PCDHGA1: variants seen among roughly 807,000 people sequenced by gnomAD.
The protein encoded by PCDHGA1 is protocadherin gamma subfamily A, 1, also known as protocadherin gamma-A1.
A neutral mutation model predicts 58.0 loss-of-function variants in PCDHGA1; 32 were observed. That is an observed-to-expected ratio of 0.55 (90% confidence interval 0.42 to 0.74). The LOEUF (loss-of-function observed/expected upper bound fraction) is 0.74. Ranked by LOEUF, PCDHGA1 falls within the 30% of genes least tolerant of loss-of-function variation. The pLI is 0.00. For synonymous variants in PCDHGA1, 498 were observed against 501.1 expected (o/e 0.99, Z 0.08); for missense variants, 1,205 against 1,182.3 (o/e 1.02, Z -0.28).
intron 1 of PCDHGA1, chr5:141,421,969 T>C (rs1039340340): frequency 1.2e-6 from 2 of 1,611,188 alleles, no homozygotes; most frequent in Admixed American, 1.7e-5. Flanking sequence ...ACAGTCCGTA[T>C]ATCGCGTGAG....
At chr5:141,399,375 C>A (rs548275013) in intron 1 of PCDHGA1, 2 of 1,614,016 alleles carry the variant, frequency 1.2e-6, no homozygotes, top group Non-Finnish European at 1.7e-6. Context: ...AGTACAATGT[C>A]ACCATCACAG....
intron 1 of PCDHGA1, chr5:141,383,142 C>A (rs1778858149): frequency 1.2e-6 from 2 of 1,614,006 alleles, no homozygotes; most frequent in Admixed American, 3.3e-5. Flanking sequence ...ACCAGCGCAG[C>A]GGCAGCTTGG....
In PCDHGA1 at chr5:141,511,346, C is replaced by T; in HGVS notation, c.*173C>T. 7.1e-7 allele frequency: 1 copy of T among 1,400,168 alleles called. No homozygotes were observed. The allele number at this position is 1,400,168 out of a possible 1,614,324, so 86.7% of individuals were successfully genotyped here. A position where few individuals can be genotyped will look rare whatever the true frequency, so the allele number is the denominator to read the frequency against. On this transcript the variant is annotated 3_prime_UTR_variant, in exon 4 of 4. Transcript: ENST00000517417. ...AGTGCCCAGTCAGCACCTACCCCTT[C>T]CCCCCCAGGGGGTTGAATATGCAAA...
At position 141,446,758 on chromosome 5, in the gene PCDHGA1, C is replaced by T. The variant is rs776925316; in HGVS notation, c.2422-48049C>T. Among the ~76,000 whole-genome samples, 10 of 152,208 alleles carry T rather than the reference C, an allele frequency of 6.6e-5. 1 individual carries two copies. Among genetic ancestry groups the T allele is most frequent in the African/African-American group, 9.7e-5 (4 of 41,448 alleles). On this transcript the variant is annotated intron_variant, in intron 1 of 3. Transcript: ENST00000517417. ...TGGGGATTACAGGCGTGAGCCACCG[C>T]GCCCAGCCGGTTACCATTCTTTTAC...
intron 1 of PCDHGA1, chr5:141,344,813 G>A: frequency 6.2e-7 from 1 of 1,613,936 alleles, no homozygotes; most frequent in South Asian, 1.1e-5. Flanking sequence ...TGGGTACCCG[G>A]CTGCTCACGG....
chr5:141,430,110 C>T (rs919470038), intron 1 of PCDHGA1, among the ~76,000 whole-genome samples: 1 of 152,060 alleles, frequency 6.6e-6, no homozygotes, highest in Admixed American at 6.5e-5. Flanking sequence ...CGTTACATGT[C>T]AACAACCTGG....
At chr5:141,364,793 C>G in intron 1 of PCDHGA1, 2 of 1,614,028 alleles carry the variant, frequency 1.2e-6, no homozygotes, top group Non-Finnish European at 1.7e-6. Flanking sequence ...GTTAGTGCTT[C>G]CCTTCGCGCG....
chr5:141,492,316 G>C (rs1283387204), intron 1 of PCDHGA1, among the ~76,000 whole-genome samples: 1 of 152,190 alleles, frequency 6.6e-6, no homozygotes. Context: ...CGCACTCCTC[G>C]CACGTGGGCT....
intron 1 of PCDHGA1, chr5:141,338,789 G>A (rs1327874665): frequency 7.4e-7 from 1 of 1,343,610 alleles, no homozygotes; most frequent in Non-Finnish European, 9.5e-7. Flanking sequence ...CACAGCACAA[G>A]GGGGTGGAGG....
intron 1 of PCDHGA1, among the ~76,000 whole-genome samples, chr5:141,353,694 C>T (rs1759356470): frequency 6.6e-6 from 1 of 152,122 alleles, no homozygotes; most frequent in Admixed American, 6.5e-5. Flanking sequence ...AAGCGTTTTC[C>T]ATACTTCTTG....
At chr5:141,392,280 GCA>G (rs1460323134) in intron 1 of PCDHGA1, 2 of 152,190 alleles carry the variant, frequency 1.3e-5, no homozygotes, top group East Asian at 3.8e-4. Flanking sequence ...AAAGCTTAGA[GCA>G]CAATGGGAAA....
chr5:141,377,635 A>G (rs561038965), intron 1 of PCDHGA1: 1 of 151,932 alleles, frequency 6.6e-6, no homozygotes, highest in African/African-American at 2.4e-5. Flanking sequence ...GTTTTTTCTC[A>G]GTGTTACTTG....
chr5:141,421,680 G>A (rs2096591907), intron 1 of PCDHGA1: 5 of 1,613,758 alleles, frequency 3.1e-6, no homozygotes, highest in Non-Finnish European at 4.2e-6. Context: ...TTCCTGGGGC[G>A]CGATTTGCTC....
chr5:141,345,943 C>T (rs762497935), intron 1 of PCDHGA1: 18 of 1,613,460 alleles, frequency 1.1e-5, no homozygotes, highest in Non-Finnish European at 1.4e-5. Context: ...GACAGAGACG[C>T]GCTCAAGCAG....
intron 1 of PCDHGA1, chr5:141,403,573 C>G: frequency 6.2e-7 from 1 of 1,613,946 alleles, no homozygotes; most frequent in South Asian, 1.1e-5. Context: ...AGGCAACTGC[C>G]CACCACCTGG....
intron 1 of PCDHGA1, chr5:141,394,906 C>T (rs2150590922): frequency 6.2e-7 from 1 of 1,613,754 alleles, no homozygotes; most frequent in Admixed American, 1.7e-5. Flanking sequence ...GTGGCAGTGG[C>T]TGCCATCTCC....
At chr5:141,416,928 A>G (rs1297487387) in intron 1 of PCDHGA1, 4 of 152,170 alleles carry the variant, frequency 2.6e-5, no homozygotes, top group Non-Finnish European at 2.9e-5. Flanking sequence ...ATAGTTATTA[A>G]CTATTAAACC....
chr5:141,455,162 T>G (rs1002208156), intron 1 of PCDHGA1, among the ~76,000 whole-genome samples: 5 of 150,972 alleles, frequency 3.3e-5, no homozygotes, highest in African/African-American at 7.3e-5. Context: ...GTTTGTTGGT[T>G]TTTTTTTTAG....
rs549713754 is a variant in PCDHGA1 at position 141,365,181 on chromosome 5, A to C, written c.2421+32076A>C. On this transcript the variant is annotated intron_variant, in intron 1 of 3. Coordinates refer to ENST00000517417, the MANE Select transcript of PCDHGA1 (RefSeq NM_018912.3). ...AAATTGACCTACTCTTTTCGCAATG[A>C]AGAAGAAAAAATTTCGGAGACTTTC... 46 of 1,613,864 alleles carry C rather than the reference A, an allele frequency of 2.9e-5. No homozygotes were observed. In the South Asian group the frequency reaches 3.8e-4, roughly 13 times the overall value.
Sources: gnomAD v4.1 joint callset for allele counts (sites outside exome capture counted in the v4.1 genomes callset) on GRCh38, gnomAD v4.1.1 for gene constraint, MANE v1.5 for transcripts, NCBI Gene and HGNC (gene_info 2026-07-23, HGNC 2026-07-21) for gene names.